The following GREB1L variants were observed in gnomAD, a reference collection of about 807,000 sequenced individuals.
The protein encoded by GREB1L is GREB1 like retinoic acid receptor coactivator, also known as GREB1-like protein.
In GREB1L, 17 loss-of-function variants were observed where a neutral mutation model predicts 200.8. That is an observed-to-expected ratio of 0.08 (90% CI 0.06 to 0.13). The LOEUF (loss-of-function observed/expected upper bound fraction) is 0.13. Among genes scored for constraint, GREB1L ranks in the 10% least tolerant of loss-of-function variants. GREB1L has a pLI of 1.00. For missense variants in GREB1L, 1,657 were observed against 2,367.7 expected, an observed-to-expected ratio of 0.70 and a Z score of 6.23; for synonymous variants, 789 against 893.0, an observed-to-expected ratio of 0.88 and a Z score of 2.08.
chr18:21,487,228 T>C (rs2036162122), intron 18 of GREB1L, among the ~76,000 whole-genome samples: 1 of 152,206 alleles, frequency 6.6e-6, no homozygotes, highest in East Asian at 1.9e-4. Context: ...ACTTTTATTT[T>C]AAATGATGAT....
intron 17 of GREB1L, 145 bp downstream of exon 17, chr18:21,477,501 A>C: frequency 1.5e-6 from 1 of 651,366 alleles, no homozygotes; most frequent in Non-Finnish European, 2.3e-6. Flanking sequence ...GAGTTCAAAA[A>C]TCTGGCTGGG....
At chr18:21,275,394 A>G (rs2038145927) in intron 1 of GREB1L, among the ~76,000 whole-genome samples, 1 of 152,164 alleles carries the variant, frequency 6.6e-6, no homozygotes, top group African/African-American at 2.4e-5. Flanking sequence ...TTATTTTTTT[A>G]GAGCTGGGGT....
At chr18:21,420,143 CG>C (rs752986897) in intron 7 of GREB1L, among the ~76,000 whole-genome samples, 15 of 152,192 alleles carry the variant, frequency 9.9e-5, no homozygotes, top group Non-Finnish European at 1.9e-4. Context: ...GAGGCCGAGG[CG>C]GGCAGATCAT....
intron 4 of GREB1L, among the ~76,000 whole-genome samples, chr18:21,391,108 A>T (rs1251655172): frequency 6.6e-6 from 1 of 152,244 alleles, no homozygotes; most frequent in Non-Finnish European, 1.5e-5. Flanking sequence ...CAAAGTGTAC[A>T]GTAATGTCCT....
chr18:21,483,471 G>C (rs947381871), intron 17 of GREB1L, among the ~76,000 whole-genome samples: 1 of 152,294 alleles, frequency 6.6e-6, no homozygotes, highest in Admixed American at 6.5e-5. Flanking sequence ...CTTGAAAATA[G>C]ATGTCATTCA....
intron 1 of GREB1L, among the ~76,000 whole-genome samples, chr18:21,269,831 A>G (rs1023910335): frequency 6.6e-6 from 1 of 152,226 alleles, no homozygotes; most frequent in Non-Finnish European, 1.5e-5. Flanking sequence ...ATTAGTCAGC[A>G]TACTTGATTT....
chr18:21,297,776 T>C (rs2144655452), intron 1 of GREB1L, among the ~76,000 whole-genome samples: 1 of 152,278 alleles, frequency 6.6e-6, no homozygotes, highest in Non-Finnish European at 1.5e-5. Context: ...TTTGTTTTTG[T>C]TTTGGTTTAT....
intron 1 of GREB1L, among the ~76,000 whole-genome samples, chr18:21,247,418 C>T (rs1008389350): frequency 6.6e-6 from 1 of 152,076 alleles, no homozygotes; most frequent in African/African-American, 2.4e-5. Flanking sequence ...ATGTTTGTTG[C>T]TGTGAACTAT....
chr18:21,279,810 C>T (rs1229357701), intron 1 of GREB1L, among the ~76,000 whole-genome samples: 1 of 152,028 alleles, frequency 6.6e-6, no homozygotes, highest in Non-Finnish European at 1.5e-5. Context: ...CTGTGGCTGT[C>T]CTGATTTAGC....
chr18:21,392,897 A>G (rs1259449384), intron 4 of GREB1L, among the ~76,000 whole-genome samples: 4 of 151,808 alleles, frequency 2.6e-5, no homozygotes, highest in African/African-American at 9.7e-5. Flanking sequence ...TTAACCTCCT[A>G]GGTAGCTGGG....
intron 7 of GREB1L, among the ~76,000 whole-genome samples, chr18:21,423,898 A>G (rs1442465873): frequency 1.3e-5 from 2 of 152,178 alleles, no homozygotes; most frequent in African/African-American, 2.4e-5. Flanking sequence ...TGGGACATTT[A>G]TTCTTACATC....
chr18:21,477,113 A>G (rs1301855184), intron 16 of GREB1L, 51 bp from the exon 17 acceptor site: 35 of 1,229,250 alleles, frequency 2.8e-5, no homozygotes, highest in Non-Finnish European at 4.0e-5. Flanking sequence ...GTCTGATTCT[A>G]TATCTACTTG....
rs1374528035 is a variant in GREB1L at position 21,500,661 on chromosome 18, G to C, written c.4072+19G>C. On this transcript the variant is annotated intron_variant, in intron 23 of 32. Transcript: ENST00000424526. Reference sequence around the variant, plus strand: ...AACACCGGTGAGTGCTGAGCCCAGGGAGTGGGCAGAGGGGCAAGAGACAAA... The same window carrying C: ...AACACCGGTGAGTGCTGAGCCCAGGCAGTGGGCAGAGGGGCAAGAGACAAA... 6.8e-7 allele frequency: 1 copy of C among 1,470,032 alleles called. No homozygotes were observed. The highest frequency in any genetic ancestry group is 2.4e-5 in the Admixed American group (1 of 40,858). 91.1% of individuals were successfully genotyped at this position (1,470,032 alleles called of 1,614,324 possible).
chr18:21,520,770 A>G lies in GREB1L; in HGVS notation c.5555A>G (p.Tyr1852Cys). 6.5e-7 allele frequency: 1 copy of G among 1,528,354 alleles called. No individual in the cohort carries two copies. The highest frequency in any genetic ancestry group is 8.8e-7 in the Non-Finnish European group (1 of 1,140,166). 94.7% of individuals were successfully genotyped at this position (1,528,354 alleles called of 1,614,324 possible). ...GTGTTTTTCAGTGGACTCCTTTTGTACCTCTGTGACTCTTTTGTAGGTGCT... is the reference window on the plus strand; with the variant it reads ...GTGTTTTTCAGTGGACTCCTTTTGTGCCTCTGTGACTCTTTTGTAGGTGCT... ...EGVFFSGLLL[Y>C]LCDSFVGADL... The change falls in exon 32 of 33, where the codon TAC becomes TGC. Residue 1852 changes from tyrosine (Y) to cysteine (C), a missense_variant. Transcript: ENST00000424526.
At chr18:21,437,581 C>T (rs559752111) in intron 7 of GREB1L, among the ~76,000 whole-genome samples, 1 of 151,244 alleles carries the variant, frequency 6.6e-6, no homozygotes, top group African/African-American at 2.4e-5. Flanking sequence ...AAAAAAAAAA[C>T]CTGAATTTGA....
chr18:21,517,902 C>T (rs2037475425), intron 30 of GREB1L, 132 bp from the exon 31 acceptor site: 1 of 676,486 alleles, frequency 1.5e-6, no homozygotes, highest in Admixed American at 2.9e-5. Context: ...TACTAACATA[C>T]ATTTGAACCT....
intron 1 of GREB1L, among the ~76,000 whole-genome samples, chr18:21,321,065 G>A (rs1482778348): frequency 2.6e-5 from 4 of 152,038 alleles, no homozygotes; most frequent in Non-Finnish European, 4.4e-5. Flanking sequence ...AGGCTGAGGC[G>A]GATGGATCAC....
chr18:21,446,206 G>A (rs1409815983), intron 11 of GREB1L, among the ~76,000 whole-genome samples: 1 of 152,150 alleles, frequency 6.6e-6, no homozygotes, highest in Non-Finnish European at 1.5e-5. Flanking sequence ...TGTATTTTTA[G>A]TAGAGACAGG....
chr18:21,477,056 GA>G, intron 16 of GREB1L, 107 bp from the exon 17 acceptor site: 1 of 710,904 alleles, frequency 1.4e-6, no homozygotes, highest in East Asian at 3.0e-5. Context: ...GCTCCCAATT[GA>G]AAAGAGATAG....
Sources: allele counts gnomAD v4.1 joint callset (sites outside exome capture counted in the v4.1 genomes callset), GRCh38; gene constraint gnomAD v4.1.1; transcripts MANE v1.5; gene names NCBI Gene and HGNC (gene_info 2026-07-23, HGNC 2026-07-21).